BABAM2: variants seen among roughly 807,000 people sequenced by gnomAD.
BABAM2 encodes BRISC and BRCA1-A complex member 2.
BABAM2 carries 31 observed loss-of-function variants against 54.7 expected under a neutral mutation model. The ratio of observed to expected loss-of-function variants is 0.57; its 90% CI spans 0.43 to 0.77. The LOEUF is 0.77. BABAM2 is among the 30% of genes least tolerant of loss of function. The probability of loss-of-function intolerance (pLI) is 0.00; values close to 1 mark genes in which losing one functional copy is unlikely to be tolerated. For missense variants in BABAM2, 364 were observed against 455.8 expected, an observed-to-expected ratio of 0.80 and a Z score of 1.83; for synonymous variants, 167 against 162.9, an observed-to-expected ratio of 1.03 and a Z score of -0.19.
chr2:28,112,146 TTTACCTCCCTCC>T (rs1366333417), intron 6 of BABAM2, among the ~76,000 whole-genome samples: 1 of 10,558 alleles, frequency 9.5e-5, no homozygotes, highest in African/African-American at 6.1e-4. Context: ...TCTTTCTTTC[TTTACCTCCCTCC>T]CTCCCTCCCT....
At chr2:28,278,309 T>A (rs1473784597) in intron 10 of BABAM2, among the ~76,000 whole-genome samples, 1 of 152,112 alleles carries the variant, frequency 6.6e-6, no homozygotes, top group Admixed American at 6.6e-5. Context: ...TGGGGTTTGA[T>A]AAACCACTTG....
At chr2:28,255,518 A>G (rs916902986) in intron 10 of BABAM2, among the ~76,000 whole-genome samples, 2 of 151,828 alleles carry the variant, frequency 1.3e-5, no homozygotes, top group Non-Finnish European at 1.5e-5. Flanking sequence ...CAAGTGATCC[A>G]CCCACCTTGG....
At chr2:28,042,998 TG>T (rs1272183675) in intron 5 of BABAM2, among the ~76,000 whole-genome samples, 2 of 151,790 alleles carry the variant, frequency 1.3e-5, no homozygotes, top group Non-Finnish European at 2.9e-5. Flanking sequence ...CACTCCAGCC[TG>T]GGGGACAGAG....
chr2:28,115,051 C>T (rs1353643530), intron 6 of BABAM2, among the ~76,000 whole-genome samples: 1 of 151,608 alleles, frequency 6.6e-6, no homozygotes. Context: ...ATACTGGACA[C>T]CAAATACAAA....
At chr2:28,191,765 G>A (rs370199845) in intron 7 of BABAM2, among the ~76,000 whole-genome samples, 1 of 152,170 alleles carries the variant, frequency 6.6e-6, no homozygotes, top group Admixed American at 6.5e-5. Context: ...GAGCAGTGTA[G>A]TTGTGGAAGG....
At chr2:28,160,917 T>C (rs1281539801) in intron 7 of BABAM2, among the ~76,000 whole-genome samples, 1 of 152,192 alleles carries the variant, frequency 6.6e-6, no homozygotes, top group Non-Finnish European at 1.5e-5. Flanking sequence ...AGATTTCTAC[T>C]ATCTATGCTT....
intron 10 of BABAM2, among the ~76,000 whole-genome samples, chr2:28,250,914 TAA>T (rs1430568303): frequency 1.3e-5 from 2 of 152,198 alleles, no homozygotes; most frequent in Non-Finnish European, 2.9e-5. Context: ...CTTATGTTTT[TAA>T]AAGAGAAAAA....
chr2:27,984,136 A>C (rs1672227716), intron 3 of BABAM2, among the ~76,000 whole-genome samples: 1 of 151,584 alleles, frequency 6.6e-6, no homozygotes, highest in African/African-American at 2.4e-5. Context: ...AAAGTGATAA[A>C]ATTTCTTTTA....
At chr2:28,217,943 A>G (rs1380952614) in intron 7 of BABAM2, among the ~76,000 whole-genome samples, 2 of 152,216 alleles carry the variant, frequency 1.3e-5, no homozygotes, top group Admixed American at 6.5e-5. Context: ...ATAAACATAA[A>G]AATTTAAAGG....
intron 6 of BABAM2, among the ~76,000 whole-genome samples, chr2:28,050,822 G>T (rs1485192979): frequency 6.6e-6 from 1 of 152,154 alleles, no homozygotes; most frequent in African/African-American, 2.4e-5. Flanking sequence ...TTCAAGGCTG[G>T]AGGGGAGGAG....
At chr2:27,916,129 G>GTAAA (rs1357967365) in intron 2 of BABAM2, among the ~76,000 whole-genome samples, 3 of 152,146 alleles carry the variant, frequency 2.0e-5, no homozygotes, top group African/African-American at 7.2e-5. Context: ...GCATGCCAAG[G>GTAAA]TAAATACTCC....
intron 7 of BABAM2, among the ~76,000 whole-genome samples, chr2:28,142,824 C>A (rs1671174862): frequency 1.3e-5 from 2 of 151,816 alleles, no homozygotes; most frequent in South Asian, 4.2e-4. Flanking sequence ...ACTATAATAT[C>A]ATCATATATT....
intron 2 of BABAM2, among the ~76,000 whole-genome samples, chr2:27,908,269 A>G (rs974184858): frequency 2.7e-5 from 4 of 147,670 alleles, no homozygotes; most frequent in African/African-American, 7.5e-5. Context: ...TTTAAAAACA[A>G]TTTTTTTTTT....
intron 6 of BABAM2, among the ~76,000 whole-genome samples, chr2:28,117,114 GGCA>G (rs2148741554): frequency 6.6e-6 from 1 of 152,268 alleles, no homozygotes; most frequent in African/African-American, 2.4e-5. Flanking sequence ...CAAGATGAGA[GGCA>G]GCAAGTCCAG....
intron 10 of BABAM2, among the ~76,000 whole-genome samples, chr2:28,295,094 A>C (rs1006410273): frequency 6.6e-6 from 1 of 152,232 alleles, no homozygotes; most frequent in Non-Finnish European, 1.5e-5. Context: ...TCTGATGCTA[A>C]CTGGGCATTT....
At chr2:27,898,531 A>G (rs1665520546) in intron 2 of BABAM2, among the ~76,000 whole-genome samples, 2 of 152,228 alleles carry the variant, frequency 1.3e-5, no homozygotes, top group Non-Finnish European at 2.9e-5. Flanking sequence ...AAGTCCTGCA[A>G]AAACAACTCA....
chr2:27,992,592 A>T (rs535426132), intron 4 of BABAM2, among the ~76,000 whole-genome samples: 1 of 152,348 alleles, frequency 6.6e-6, no homozygotes, highest in South Asian at 2.1e-4. Flanking sequence ...GTGAGAAGAG[A>T]GGATGTTCAA....
chr2:27,970,108 A>AT (rs1461057107), intron 3 of BABAM2, among the ~76,000 whole-genome samples: 2 of 151,972 alleles, frequency 1.3e-5, no homozygotes, highest in Non-Finnish European at 1.5e-5. Flanking sequence ...TATATGCTAT[A>AT]TTTTTTCACT....
At chr2:28,056,658 G>A (rs1266536734) in intron 6 of BABAM2, among the ~76,000 whole-genome samples, 3 of 152,048 alleles carry the variant, frequency 2.0e-5, no homozygotes, top group Non-Finnish European at 4.4e-5. Flanking sequence ...TTCACAATTG[G>A]CAAATAGTAG....
Sources: gnomAD v4.1 joint callset for allele counts (sites outside exome capture counted in the v4.1 genomes callset) on GRCh38, gnomAD v4.1.1 for gene constraint, MANE v1.5 for transcripts, NCBI Gene and HGNC (gene_info 2026-07-23, HGNC 2026-07-21) for gene names.